The following KLHL12 variants were observed in gnomAD, a reference collection of about 807,000 sequenced individuals.
KLHL12 encodes kelch-like protein 12.
KLHL12 carries 17 observed loss-of-function variants against 60.8 expected under a neutral mutation model. That is an observed-to-expected ratio of 0.28 (90% confidence interval 0.19 to 0.42). KLHL12 has a LOEUF of 0.42. Ranked by LOEUF, KLHL12 falls within the 10% of genes least tolerant of loss-of-function variation. The pLI is 1.00. For missense variants in KLHL12, 468 were observed against 722.3 expected, an observed-to-expected ratio of 0.65 and a Z score of 4.04; for synonymous variants, 220 against 250.9, an observed-to-expected ratio of 0.88 and a Z score of 1.16.
chr1:202,903,167 A>C (rs1198365646), intron 6 of KLHL12, among the ~76,000 whole-genome samples: 1 of 148,986 alleles, frequency 6.7e-6, no homozygotes, highest in Non-Finnish European at 1.5e-5. Context: ...CTCAAAAAAA[A>C]AAAAAAAAAA....
intron 6 of KLHL12, among the ~76,000 whole-genome samples, chr1:202,908,533 C>T (rs1396109276): frequency 2.0e-5 from 3 of 152,190 alleles, no homozygotes; most frequent in African/African-American, 7.2e-5. Flanking sequence ...ACGAGGTAAA[C>T]TGGTACCTGC....
chr1:202,926,104 CAAAAAAA>C (rs368473168), intron 1 of KLHL12, among the ~76,000 whole-genome samples: 1,227 of 59,540 alleles, frequency 0.021, 18 homozygotes, highest in African/African-American at 0.059. Context: ...GACTCTGTCT[CAAAAAAA>C]AAAAAAAAAA....
intron 4 of KLHL12, among the ~76,000 whole-genome samples, chr1:202,914,391 T>TCC: frequency 6.6e-6 from 1 of 152,320 alleles, no homozygotes; most frequent in Middle Eastern, 3.4e-3. Flanking sequence ...AATTGTTGGA[T>TCC]AAGATGCAGG....
intron 11 of KLHL12, 96 bp from the exon 12 acceptor site, chr1:202,892,755 T>C (rs1419081783): frequency 3.0e-6 from 4 of 1,351,942 alleles, no homozygotes; most frequent in South Asian, 1.3e-5. Flanking sequence ...GGTAAGAGGA[T>C]TGCTTAAGCC....
intron 4 of KLHL12, among the ~76,000 whole-genome samples, chr1:202,913,340 A>G (rs1422015789): frequency 6.6e-6 from 1 of 152,174 alleles, no homozygotes; most frequent in Non-Finnish European, 1.5e-5. Flanking sequence ...CAGAGTACAT[A>G]TTCTGGGAGA....
At chr1:202,898,524 G>C (rs1557986951) in intron 6 of KLHL12, among the ~76,000 whole-genome samples, 1 of 152,172 alleles carries the variant, frequency 6.6e-6, no homozygotes, top group Non-Finnish European at 1.5e-5. Context: ...TGAATAGGAA[G>C]GACCACACTA....
chr1:202,905,738 T>C (rs1660162109), intron 6 of KLHL12, among the ~76,000 whole-genome samples: 1 of 152,176 alleles, frequency 6.6e-6, no homozygotes, highest in African/African-American at 2.4e-5. Flanking sequence ...CCTTTGAGCA[T>C]TATGTTGGCA....
chr1:202,912,687 G>C, intron 4 of KLHL12: 1 of 1,310,262 alleles, frequency 7.6e-7, no homozygotes, highest in Non-Finnish European at 1.1e-6. Flanking sequence ...TGGCTATGGT[G>C]GTTTCAGTAG....
rs1032585055 is a variant in KLHL12 at position 202,911,822 on chromosome 1, CAG to C, written c.568-621_568-620del. On this transcript the variant is annotated intron_variant, in intron 4 of 11. Transcript: ENST00000367261. ...CTCCTCCCTGCCGTCATGTCTAAGT[CAG>C]AGTCTCCTAAAGAGCCCAAACAGCT... 59 of 753,180 alleles carry C rather than the reference CAG, an allele frequency of 7.8e-5. No individual in the cohort carries two copies. In the African/African-American group the frequency reaches 9.9e-4, roughly 13 times the overall value. The allele number at this position is 753,180 out of a possible 1,614,324, so 46.7% of individuals were successfully genotyped here.
At chr1:202,913,115 G>A (rs183670774) in intron 4 of KLHL12, among the ~76,000 whole-genome samples, 85 of 151,780 alleles carry the variant, frequency 5.6e-4, no homozygotes, top group Non-Finnish European at 9.6e-4. Context: ...AGGAACTACT[G>A]TGTATTACGC....
At chr1:202,892,724 C>A in intron 11 of KLHL12, 65 bp from the exon 12 acceptor site, 1 of 1,563,082 alleles carries the variant, frequency 6.4e-7, no homozygotes, top group Non-Finnish European at 8.7e-7. Flanking sequence ...TGCCTGTAAT[C>A]CCAACTATGC....
chr1:202,903,754 C>T (rs1660095955), intron 6 of KLHL12, among the ~76,000 whole-genome samples: 1 of 150,620 alleles, frequency 6.6e-6, no homozygotes, highest in Admixed American at 6.6e-5. Flanking sequence ...TCCCCAATAG[C>T]TGGGATTACA....
intron 2 of KLHL12, among the ~76,000 whole-genome samples, chr1:202,923,807 C>A (rs1004447714): frequency 2.0e-5 from 3 of 151,198 alleles, no homozygotes; most frequent in African/African-American, 7.3e-5. Flanking sequence ...ACAGAATACG[C>A]CTCTCCCATT....
At chr1:202,901,997 A>G (rs1660021321) in intron 6 of KLHL12, among the ~76,000 whole-genome samples, 1 of 152,210 alleles carries the variant, frequency 6.6e-6, no homozygotes, top group Non-Finnish European at 1.5e-5. Flanking sequence ...TATAAAACAT[A>G]TAATATACAT....
At position 202,895,528 on chromosome 1, in the gene KLHL12, G is replaced by A. The variant is rs769501532; in HGVS notation, c.1129C>T (p.Leu377=). The A allele has an allele frequency of 1.2e-5, 19 of 1,613,094 alleles. No homozygotes were observed. In the Admixed American group the frequency reaches 2.7e-4, roughly 23 times the overall value. ...VRRGLAGATT[L]GDMIYVSGGF... ...CCCTGCACATCCAGCCTACCTCCCA[G>A]GGTGGTGGCTCCAGCAAGACCTCGT... The change falls in exon 8 of 12, where the codon CTG becomes TTG. Residue 377 remains leucine, a synonymous_variant. Coordinates refer to ENST00000367261, the MANE Select transcript of KLHL12 (RefSeq NM_021633.4). The surrounding 1 kb of genome is among the most constrained non-coding windows in gnomAD (Gnocchi z 4.2).
rs1249068224 is a variant in KLHL12, at chr1:202,918,416, TTAGAA to T, written c.350-33_350-29del. 5 of 1,547,560 alleles carry T rather than the reference TTAGAA, an allele frequency of 3.2e-6. No homozygotes were observed. In the African/African-American group the frequency reaches 4.1e-5, roughly 13 times the overall value. Reference sequence around the variant, plus strand: ...AGGACAGACACAGGCAGCAAACACTTTAGAATAGTTGGACAGGTGTGATCTAGGAT... The same window carrying T: ...AGGACAGACACAGGCAGCAAACACTTTAGTTGGACAGGTGTGATCTAGGAT... On this transcript the variant is annotated intron_variant, in intron 3 of 11. Coordinates refer to ENST00000367261, the MANE Select transcript of KLHL12 (RefSeq NM_021633.4).
intron 4 of KLHL12, among the ~76,000 whole-genome samples, chr1:202,913,175 A>G (rs8179338): frequency 0.82 from 125,043 of 151,996 alleles, 51,799 homozygotes; most frequent in East Asian, 0.89. Flanking sequence ...GGGAACTTAG[A>G]TCTAAGCATA....
At chr1:202,927,322 G>A (rs377128800), upstream of KLHL12, 4 of 946,566 alleles carry the variant, frequency 4.2e-6, no homozygotes, top group East Asian at 1.2e-4. Context: ...GTGAGGAGGT[G>A]GTGTCACGTG....
upstream of KLHL12, among the ~76,000 whole-genome samples, chr1:202,927,962 C>T (rs1425601583): frequency 9.4e-6 from 1 of 106,528 alleles, no homozygotes; most frequent in African/African-American, 3.7e-5. Context: ...GCTGGGCGAC[C>T]GACTGAGACT....
Sources: allele counts gnomAD v4.1 joint callset (sites outside exome capture counted in the v4.1 genomes callset), GRCh38; gene constraint gnomAD v4.1.1; non-coding constraint Gnocchi (gnomAD v3.1); transcripts MANE v1.5; gene names NCBI Gene and HGNC (gene_info 2026-07-23, HGNC 2026-07-21).